Variants in TOX3 observed in about 807,000 individuals in gnomAD.
TOX3 encodes CAG trinucleotide repeat-containing gene F9 protein.
TOX3 carries 22 observed loss-of-function variants against 64.3 expected under a neutral mutation model. The ratio of observed to expected loss-of-function variants is 0.34; its 90% CI spans 0.24 to 0.49. The LOEUF (loss-of-function observed/expected upper bound fraction) is 0.49, where lower values mean the gene tolerates loss of function less well. Among genes scored for constraint, TOX3 ranks in the 20% least tolerant of loss-of-function variants. The pLI is 0.99. For missense variants in TOX3, 661 were observed against 714.4 expected (o/e 0.93, Z 0.85); for synonymous variants, 291 against 273.6 (o/e 1.06, Z -0.63).
intron 1 of TOX3, among the ~76,000 whole-genome samples, chr16:52,504,529 G>A (rs1010063680): frequency 8.6e-5 from 13 of 151,722 alleles, no homozygotes; most frequent in African/African-American, 2.4e-4. Context: ...ATGTCTATGT[G>A]CACACAACTT....
At chr16:52,493,721 G>C (rs182657916) in intron 1 of TOX3, among the ~76,000 whole-genome samples, 1 of 152,140 alleles carries the variant, frequency 6.6e-6, no homozygotes, top group East Asian at 1.9e-4. Context: ...CATCTAAACA[G>C]TCTTTGCTTC....
At position 52,510,777 on chromosome 16, in the gene TOX3, A is replaced by AG. The variant is rs1415066784; in HGVS notation, c.87+35859_87+35860insC. ...CCTGTCTCAAAAAAAAAAAAAAAAA[A>AG]AAAGAAGAAGAAGAAGAAGAAAAAG... On this transcript the variant is annotated intron_variant, in intron 1 of 6. Coordinates refer to ENST00000219746, the MANE Select transcript of TOX3 (RefSeq NM_001080430.4). Among the ~76,000 whole-genome samples, 542 of 148,718 alleles carry AG rather than the reference A, an allele frequency of 3.6e-3. 3 individuals are homozygous for AG. Among genetic ancestry groups the AG allele is most frequent in the Middle Eastern group, 0.017 (5 of 286 alleles).
chr16:52,465,019 T>C (rs1960816251), intron 2 of TOX3, among the ~76,000 whole-genome samples: 1 of 127,628 alleles, frequency 7.8e-6, no homozygotes, highest in Non-Finnish European at 1.6e-5. Flanking sequence ...TTTTTTTTTT[T>C]TTTTTTTTTT....
intron 2 of TOX3, among the ~76,000 whole-genome samples, chr16:52,464,542 A>G (rs1383778822): frequency 6.6e-6 from 1 of 152,230 alleles, no homozygotes; most frequent in South Asian, 2.1e-4. Context: ...CACTATCCAC[A>G]TGCTTTATAA....
intron 3 of TOX3, among the ~76,000 whole-genome samples, chr16:52,456,396 T>C (rs1960517323): frequency 1.3e-5 from 2 of 152,206 alleles, no homozygotes; most frequent in African/African-American, 4.8e-5. Flanking sequence ...GGGTGGGCCA[T>C]GGATCTCATA....
chr16:52,489,867 T>A (rs1006499545), intron 1 of TOX3, among the ~76,000 whole-genome samples: 1 of 152,118 alleles, frequency 6.6e-6, no homozygotes, highest in Non-Finnish European at 1.5e-5. Context: ...GTCATTCAAC[T>A]ACACCAACCA....
At chr16:52,470,665 C>T (rs533308917) in intron 1 of TOX3, among the ~76,000 whole-genome samples, 2 of 152,186 alleles carry the variant, frequency 1.3e-5, no homozygotes, top group East Asian at 1.9e-4. Context: ...TTAGTATTTG[C>T]CCTGGAGAAA....
chr16:52,482,661 A>G (rs369908552), intron 1 of TOX3, among the ~76,000 whole-genome samples: 51 of 152,258 alleles, frequency 3.3e-4, no homozygotes, highest in African/African-American at 1.2e-3. Flanking sequence ...TTGAGAAGCT[A>G]AAAAAAGGGA....
intron 1 of TOX3, among the ~76,000 whole-genome samples, chr16:52,476,219 T>C (rs1961202219): frequency 6.6e-6 from 1 of 152,134 alleles, no homozygotes; most frequent in Non-Finnish European, 1.5e-5. Flanking sequence ...AGTTCCATTG[T>C]TGGATTCTTC....
intron 3 of TOX3, among the ~76,000 whole-genome samples, chr16:52,455,082 C>G (rs896695908): frequency 3.9e-5 from 6 of 152,200 alleles, no homozygotes; most frequent in African/African-American, 1.4e-4. Flanking sequence ...ACTATCATAA[C>G]CAACAATAAG....
intron 1 of TOX3, among the ~76,000 whole-genome samples, chr16:52,513,131 C>T (rs1001521740): frequency 7.9e-5 from 12 of 152,224 alleles, no homozygotes; most frequent in African/African-American, 2.9e-4. Flanking sequence ...GGCACCAACA[C>T]AAAAGGCTGA....
In TOX3 at chr16:52,437,616, C is replaced by G. The variant is rs1959786763; in HGVS notation, c.*1609G>C. On this transcript the variant is annotated 3_prime_UTR_variant, in exon 7 of 7. Transcript: ENST00000219746. ...GGTCACACTGCTCTCAAAGAGGAAC[C>G]GCTACAGAGCAAGAAAAGGGGGGAA... The G allele has an allele frequency of 6.6e-6, 1 of 152,530 alleles. No homozygotes were observed. The highest frequency in any genetic ancestry group is 1.9e-4 in the East Asian group (1 of 5,180). The allele number at this position is 152,530 out of a possible 1,614,324, so 9.4% of individuals were successfully genotyped here.
chr16:52,478,729 T>C (rs890332261), intron 1 of TOX3, among the ~76,000 whole-genome samples: 9 of 152,152 alleles, frequency 5.9e-5, no homozygotes, highest in Non-Finnish European at 1.2e-4. Context: ...TATCATCAGG[T>C]AAGTTGCTTC....
At chr16:52,536,433 A>G (rs1251398775) in intron 1 of TOX3, among the ~76,000 whole-genome samples, 1 of 151,344 alleles carries the variant, frequency 6.6e-6, no homozygotes, top group Admixed American at 6.6e-5. Context: ...ATCAAGTTCA[A>G]AAAGATGGGA....
At chr16:52,532,046 G>A (rs971646927) in intron 1 of TOX3, among the ~76,000 whole-genome samples, 4 of 152,180 alleles carry the variant, frequency 2.6e-5, no homozygotes, top group Non-Finnish European at 5.9e-5. Context: ...TTGCCCTCTG[G>A]CTTATGCTGG....
At chr16:52,507,924 C>G (rs938667927) in intron 1 of TOX3, among the ~76,000 whole-genome samples, 1 of 152,264 alleles carries the variant, frequency 6.6e-6, no homozygotes, top group Non-Finnish European at 1.5e-5. Flanking sequence ...GAAGGTAAAT[C>G]AGATGACTGA....
Position 52,456,095 on chromosome 16 carries a change from G to A in TOX3, c.409-5549C>T, listed in dbSNP as rs141032894. On this transcript the variant is annotated intron_variant, in intron 3 of 6. Transcript: ENST00000219746. ...GCATAGCTGGCTATGAGGCTGGAACGGCAAGTCATGGCCATAAAGTGACAA... is the reference window on the plus strand; with the variant it reads ...GCATAGCTGGCTATGAGGCTGGAACAGCAAGTCATGGCCATAAAGTGACAA... 2.2e-3 allele frequency among the ~76,000 whole-genome samples: 336 copies of A among 152,268 alleles called. 2 individuals carry two copies. The highest frequency in any genetic ancestry group is 0.01 in the Middle Eastern group (3 of 294).
intron 1 of TOX3, among the ~76,000 whole-genome samples, chr16:52,519,171 T>C (rs190208128): frequency 3.3e-4 from 51 of 152,338 alleles, no homozygotes; most frequent in Non-Finnish European, 7.2e-4. Flanking sequence ...GGCTAATCCG[T>C]CTTCAGTTAT....
At chr16:52,485,556 A>G (rs925320156) in intron 1 of TOX3, among the ~76,000 whole-genome samples, 4 of 152,108 alleles carry the variant, frequency 2.6e-5, no homozygotes, top group Non-Finnish European at 5.9e-5. Flanking sequence ...GGTAACAGGT[A>G]CATTAGAAGA....
Sources: allele counts gnomAD v4.1 joint callset (sites outside exome capture counted in the v4.1 genomes callset), GRCh38; gene constraint gnomAD v4.1.1; transcripts MANE v1.5; gene names NCBI Gene and HGNC (gene_info 2026-07-23, HGNC 2026-07-21).